NR1I3: variants seen among roughly 807,000 people sequenced by gnomAD.
NR1I3 encodes the protein nuclear receptor subfamily 1 group I member 3.
In NR1I3, 30 loss-of-function variants were observed where a neutral mutation model predicts 38.4. The observed-to-expected ratio is 0.78, with a 90% CI of 0.58 to 1.06. NR1I3 has a LOEUF of 1.06. Among genes scored for constraint, NR1I3 ranks in the 50% least tolerant of loss-of-function variants. NR1I3 has a pLI of 0.00. For missense variants in NR1I3, 388 were observed against 435.7 expected, an observed-to-expected ratio of 0.89 and a Z score of 0.97; for synonymous variants, 143 against 165.1, an observed-to-expected ratio of 0.87 and a Z score of 1.03.
rs1385727752 is a variant in NR1I3, at chr1:161,231,162, C to T, written c.766G>A (p.Glu256Lys). The change falls in exon 7 of 9, where the codon GAG becomes AAG. Residue 256 changes from glutamate (E) to lysine (K), a missense_variant. Glu to Lys is a moderately conservative substitution (Grantham distance 56). Transcript: ENST00000367983. ...HGTLRKLQLQ[E>K]PEYVLLAAMA... ...GCAGCCAAGAGCACATACTCAGGCT[C>T]TTGGAGCTGCAGTTTTCGTAGTGTT... 6.2e-7 allele frequency: 1 copy of T among 1,614,014 alleles called. No homozygotes were observed. Among genetic ancestry groups the T allele is most frequent in the East Asian group, 2.2e-5 (1 of 44,890 alleles).
intron 3 of NR1I3, among the ~76,000 whole-genome samples, chr1:161,233,848 T>A (rs187003013): frequency 3.1e-5 from 2 of 63,982 alleles, no homozygotes; most frequent in East Asian, 2.4e-3. Flanking sequence ...TGTGTGTGTG[T>A]GTGTGTGTGT....
At chr1:161,233,879 GTGTGTGTGTATA>G (rs1558119271) in intron 3 of NR1I3, among the ~76,000 whole-genome samples, 3 of 108,946 alleles carry the variant, frequency 2.8e-5, no homozygotes, top group African/African-American at 6.5e-5. Flanking sequence ...GTGTGTGTGT[GTGTGTGTGTATA>G]TGTGTGTGTA....
chr1:161,234,045 G>A (rs1476444756), intron 3 of NR1I3, among the ~76,000 whole-genome samples: 1 of 151,864 alleles, frequency 6.6e-6, no homozygotes, highest in Non-Finnish European at 1.5e-5. Context: ...AGGCTGGAGT[G>A]CAATGGAGCA....
Position 161,238,042 on chromosome 1 carries a change from T to G in NR1I3, c.-35A>C, listed in dbSNP as rs1341546322. The G allele has an allele frequency of 1.2e-6, 2 of 1,613,654 alleles. No individual in the cohort carries two copies. The highest frequency in any genetic ancestry group is 1.3e-5 in the African/African-American group (1 of 75,034). Reference sequence around the variant, plus strand: ...TTTGGTCCCCAACAGATTTCCTACCTGCTTCTCTTAGGCAGCATGTCACCT... The same window carrying G: ...TTTGGTCCCCAACAGATTTCCTACCGGCTTCTCTTAGGCAGCATGTCACCT... On this transcript the variant is annotated splice_region_variant and 5_prime_UTR_variant, in exon 1 of 9. Coordinates refer to ENST00000367983, the MANE Select transcript of NR1I3 (RefSeq NM_005122.5).
At chr1:161,232,536 G>A (rs949921260) in intron 5 of NR1I3, among the ~76,000 whole-genome samples, 3 of 151,888 alleles carry the variant, frequency 2.0e-5, no homozygotes, top group Admixed American at 1.3e-4. Flanking sequence ...GGACTCAAGC[G>A]ATCTGCCAGC....
intron 2 of NR1I3, 147 bp downstream of exon 2, chr1:161,236,312 G>T: frequency 2.1e-6 from 2 of 933,468 alleles, no homozygotes; most frequent in Non-Finnish European, 3.2e-6. Context: ...TGTTTGGCAA[G>T]ATGTAGGATG....
intron 3 of NR1I3, 51 bp downstream of exon 3, chr1:161,235,796 A>G: frequency 6.2e-7 from 1 of 1,611,698 alleles, no homozygotes; most frequent in Non-Finnish European, 8.5e-7. Flanking sequence ...GGGAACAAGG[A>G]CAAAGACAGA....
intron 2 of NR1I3, chr1:161,236,256 A>G (rs1668587025): frequency 1.5e-6 from 1 of 686,462 alleles, no homozygotes; most frequent in East Asian, 2.7e-5. Flanking sequence ...CCATCAGACA[A>G]ACATTCAGCT....
intron 3 of NR1I3, 76 bp downstream of exon 3, chr1:161,235,771 A>C: frequency 2.2e-5 from 35 of 1,586,640 alleles, no homozygotes; most frequent in Non-Finnish European, 2.8e-5. Flanking sequence ...CCTGCTATGT[A>C]GAGAATGCAC....
In NR1I3 at chr1:161,231,462, A is replaced by G. The variant is rs1667248341; in HGVS notation, c.561T>C (p.Ile187=). 1.9e-6 allele frequency: 3 copies of G among 1,577,146 alleles called. No homozygotes were observed. Among genetic ancestry groups the G allele is most frequent in the African/African-American group, 2.8e-5 (2 of 72,174 alleles). ...KDLPVFRSLP[I]EDQISLLKGA... Reference sequence around the variant, plus strand: ...CCTTGAGAAGGGAGATCTGGTCTTCAATGGGCAGGGAACTGTGGAAAGCAG... The same window carrying G: ...CCTTGAGAAGGGAGATCTGGTCTTCGATGGGCAGGGAACTGTGGAAAGCAG... Residue 187 remains isoleucine (I), a synonymous_variant, in exon 6 of 9, where the codon ATT becomes ATC. Transcript: ENST00000367983.
At chr1:161,237,609 T>C (rs1422842696) in intron 1 of NR1I3, among the ~76,000 whole-genome samples, 6 of 151,660 alleles carry the variant, frequency 4.0e-5, no homozygotes, top group Admixed American at 3.9e-4. Context: ...TCCCAGCTAT[T>C]TGGGAGGCTG....
chr1:161,231,729 T>A (rs1483027707), intron 5 of NR1I3, among the ~76,000 whole-genome samples: 1 of 152,184 alleles, frequency 6.6e-6, no homozygotes, highest in African/African-American at 2.4e-5. Flanking sequence ...CTCCAACTAC[T>A]GACCTCAGGT....
At chr1:161,234,030 C>T (rs1039199358) in intron 3 of NR1I3, among the ~76,000 whole-genome samples, 3 of 151,712 alleles carry the variant, frequency 2.0e-5, no homozygotes, top group Non-Finnish European at 4.4e-5. Context: ...GTCACTCTGT[C>T]GCCCAGGCTG....
Position 161,236,614 on chromosome 1 carries a change from G to A in NR1I3, c.-33-16C>T. ...TCACAGACTCCTGAATGTAGGAGGG[G>A]TCAGCAGTCAGTTTTGGGCCACCCT... On this transcript the variant is annotated splice_polypyrimidine_tract_variant and intron_variant, in intron 1 of 8. Coordinates refer to ENST00000367983, the MANE Select transcript of NR1I3 (RefSeq NM_005122.5). 24 of 1,610,098 alleles carry A rather than the reference G, an allele frequency of 1.5e-5. 1 individual carries two copies. Among genetic ancestry groups the A allele is most frequent in the South Asian group, 2.2e-5 (2 of 90,686 alleles).
Position 161,232,815 on chromosome 1 carries a change from G to A in NR1I3, c.540C>T (p.Pro180=), listed in dbSNP as rs2307424. ...GAGGGGAGGTCACTCACCGGAAGAC[G>A]GGCAGGTCCTTAGTAAACTTGATGA... ...LQVIKFTKDL[P]VFRSLPIEDQ... The change falls in exon 5 of 9, where the codon CCC becomes CCT. Residue 180 remains proline (P), a synonymous_variant. Transcript: ENST00000367983. 0.34 allele frequency: 551,894 copies of A among 1,613,446 alleles called. 97,523 individuals carry two copies. The highest frequency in any genetic ancestry group is 0.52 in the East Asian group (23,498 of 44,868).
At position 161,234,423 on chromosome 1, in the gene NR1I3, ATCAAACCAAGATCTTGAAT is replaced by A. The variant is rs753335898; in HGVS notation, c.239-1104_239-1086del. Among the ~76,000 whole-genome samples, 524 of 152,274 alleles carry A rather than the reference ATCAAACCAAGATCTTGAAT, an allele frequency of 3.4e-3. 2 individuals are homozygous for A. The highest frequency in any genetic ancestry group is 5.1e-3 in the Non-Finnish European group (349 of 68,008). ...TTTTGACTTCTGCAAAAGATCCAAG[ATCAAACCAAGATCTTGAAT>A]TCAGACCAAGATCCTTTGACTTCTA... On this transcript the variant is annotated intron_variant, in intron 3 of 8. Transcript: ENST00000367983.
intron 1 of NR1I3, among the ~76,000 whole-genome samples, chr1:161,237,297 C>T (rs1243986848): frequency 6.6e-6 from 1 of 151,408 alleles, no homozygotes; most frequent in Non-Finnish European, 1.5e-5. Flanking sequence ...CCTCCGCCTC[C>T]CAGATTCAAG....
intron 3 of NR1I3, among the ~76,000 whole-genome samples, chr1:161,234,584 T>C (rs1668189009): frequency 6.6e-6 from 1 of 152,106 alleles, no homozygotes; most frequent in South Asian, 2.1e-4. Context: ...TCCTTCTTCT[T>C]TTCCTAGAGA....
intron 5 of NR1I3, among the ~76,000 whole-genome samples, chr1:161,231,862 ATG>A (rs1202246761): frequency 1.3e-5 from 2 of 152,116 alleles, no homozygotes; most frequent in African/African-American, 2.4e-5. Flanking sequence ...GAGTCTTACT[ATG>A]TTGCCCAGGG....
Sources: allele counts gnomAD v4.1 joint callset (sites outside exome capture counted in the v4.1 genomes callset), GRCh38; gene constraint gnomAD v4.1.1; transcripts MANE v1.5; gene names NCBI Gene and HGNC (gene_info 2026-07-23, HGNC 2026-07-21).